The following MAML2 variants were observed in gnomAD, a reference collection of about 807,000 sequenced individuals.
MAML2 encodes the protein mastermind like transcriptional coactivator 2.
Under a neutral mutation model 96.1 loss-of-function variants are expected in MAML2, and 22 were observed. That is an observed-to-expected ratio of 0.23 (90% CI 0.16 to 0.33). The LOEUF (loss-of-function observed/expected upper bound fraction) is 0.33. Ranked by LOEUF, MAML2 falls within the 10% of genes least tolerant of loss-of-function variation. MAML2 has a pLI of 1.00. For missense variants in MAML2, 1,367 were observed against 1,392.4 expected, an observed-to-expected ratio of 0.98 and a Z score of 0.29; for synonymous variants, 561 against 521.3, an observed-to-expected ratio of 1.08 and a Z score of -1.04.
rs189905537 is a variant in MAML2, at chr11:96,024,490, T to C, written c.2140-32767A>G. Among the ~76,000 whole-genome samples, 399 of 152,378 alleles carry C rather than the reference T, an allele frequency of 2.6e-3. 3 individuals carry two copies. Among genetic ancestry groups the C allele is most frequent in the Non-Finnish European group, 4.9e-3 (332 of 68,032 alleles). On this transcript the variant is annotated intron_variant, in intron 2 of 4. Transcript: ENST00000524717. ...ACAGAATTTCTTTGTTTTCCTCCACTATATTTCACACTTTCTAAGCGTGCA... is the reference window on the plus strand; with the variant it reads ...ACAGAATTTCTTTGTTTTCCTCCACCATATTTCACACTTTCTAAGCGTGCA...
intron 2 of MAML2, among the ~76,000 whole-genome samples, chr11:96,019,674 AT>A (rs1858406673): frequency 2.0e-5 from 1 of 49,590 alleles, no homozygotes; most frequent in Non-Finnish European, 5.1e-5. Context: ...CCAAGGGCTG[AT>A]AATAATAATT....
intron 1 of MAML2, among the ~76,000 whole-genome samples, chr11:96,175,475 G>A (rs1364556254): frequency 6.6e-6 from 1 of 152,180 alleles, no homozygotes; most frequent in Non-Finnish European, 1.5e-5. Context: ...GAAGACGTGG[G>A]TTTACCACCA....
chr11:96,283,279 A>G (rs1223425411), intron 1 of MAML2, among the ~76,000 whole-genome samples: 1 of 152,188 alleles, frequency 6.6e-6, no homozygotes, highest in Non-Finnish European at 1.5e-5. Flanking sequence ...CTCCTTGTCT[A>G]TTTTAATCTC....
At chr11:96,041,636 C>T (rs1191059704) in intron 2 of MAML2, among the ~76,000 whole-genome samples, 1 of 152,074 alleles carries the variant, frequency 6.6e-6, no homozygotes, top group African/African-American at 2.4e-5. Flanking sequence ...AAGTGTGTTC[C>T]ATTGCGTTTC....
intron 1 of MAML2, among the ~76,000 whole-genome samples, chr11:96,205,836 T>C (rs959072605): frequency 6.6e-6 from 1 of 152,250 alleles, no homozygotes; most frequent in Non-Finnish European, 1.5e-5. Flanking sequence ...GTTGCTCCTT[T>C]GGAAAGATTC....
At chr11:96,295,126 G>C (rs546979977) in intron 1 of MAML2, among the ~76,000 whole-genome samples, 2 of 152,234 alleles carry the variant, frequency 1.3e-5, no homozygotes, top group South Asian at 4.1e-4. Context: ...GTAACACCAG[G>C]TGAATGAAAG....
At chr11:96,327,911 C>T (rs905819412) in intron 1 of MAML2, among the ~76,000 whole-genome samples, 15 of 151,940 alleles carry the variant, frequency 9.9e-5, no homozygotes, top group African/African-American at 2.9e-4. Flanking sequence ...GCCTGGCCAA[C>T]GAGGTGAAAC....
At chr11:96,314,731 A>G (rs2136006625) in intron 1 of MAML2, among the ~76,000 whole-genome samples, 1 of 152,336 alleles carries the variant, frequency 6.6e-6, no homozygotes, top group South Asian at 2.1e-4. Flanking sequence ...TGTCTAGAAG[A>G]TAATATAGAC....
In MAML2 at chr11:96,160,349, C is replaced by G. The variant is rs560103179; in HGVS notation, c.514-66832G>C. Among the ~76,000 whole-genome samples, 46 of 152,270 alleles carry G rather than the reference C, an allele frequency of 3.0e-4. 1 individual carries two copies. The South Asian group carries it at 7.7e-3, about 25-fold the overall frequency. ...CAGAATGGGCTTCCGAATCAGAAAGCTGGATTTGAACCCAACTGTGATACT... is the reference window on the plus strand; with the variant it reads ...CAGAATGGGCTTCCGAATCAGAAAGGTGGATTTGAACCCAACTGTGATACT... On this transcript the variant is annotated intron_variant, in intron 1 of 4. Coordinates refer to ENST00000524717, the MANE Select transcript of MAML2 (RefSeq NM_032427.4).
intron 1 of MAML2, among the ~76,000 whole-genome samples, chr11:96,110,534 C>T (rs1860100898): frequency 6.6e-6 from 1 of 152,118 alleles, no homozygotes; most frequent in South Asian, 2.1e-4. Context: ...AGTAGCTAAA[C>T]AGGTTGTATG....
chr11:96,339,801 C>A (rs930675494), intron 1 of MAML2, among the ~76,000 whole-genome samples: 2 of 152,158 alleles, frequency 1.3e-5, no homozygotes, highest in African/African-American at 4.8e-5. Flanking sequence ...GATTCTTTAC[C>A]CCCCTCCTTT....
chr11:96,032,138 A>G (rs902715189), intron 2 of MAML2, among the ~76,000 whole-genome samples: 1 of 152,154 alleles, frequency 6.6e-6, no homozygotes, highest in African/African-American at 2.4e-5. Context: ...TCCTGGCAAG[A>G]ATATGGATCA....
At chr11:96,054,686 T>C (rs1426070960) in intron 2 of MAML2, among the ~76,000 whole-genome samples, 1 of 152,198 alleles carries the variant, frequency 6.6e-6, no homozygotes, top group African/African-American at 2.4e-5. Context: ...ATATTAACCC[T>C]TCCCCATTTT....
intron 2 of MAML2, among the ~76,000 whole-genome samples, chr11:96,075,246 A>C (rs1859416195): frequency 6.6e-6 from 1 of 152,228 alleles, no homozygotes; most frequent in African/African-American, 2.4e-5. Context: ...CCTGGTAGCA[A>C]ACTTGAAATG....
intron 2 of MAML2, among the ~76,000 whole-genome samples, chr11:96,001,300 G>C (rs1858074407): frequency 6.6e-6 from 1 of 152,202 alleles, no homozygotes; most frequent in Non-Finnish European, 1.5e-5. Flanking sequence ...ACGTCAGTGG[G>C]TCAGGGTGGA....
chr11:96,179,643 A>G (rs1320004239), intron 1 of MAML2, among the ~76,000 whole-genome samples: 1 of 152,236 alleles, frequency 6.6e-6, no homozygotes, highest in Non-Finnish European at 1.5e-5. Flanking sequence ...AAACAAAAAT[A>G]AAAAACAAAA....
rs534241803 is a variant in MAML2, at chr11:96,055,251, C to T, written c.2139+36641G>A. Reference sequence around the variant, plus strand: ...GCCATGCCCATGGCACTACCATGGACGCCTAAGAAAACCTCAATAATTTGA... The same window carrying T: ...GCCATGCCCATGGCACTACCATGGATGCCTAAGAAAACCTCAATAATTTGA... On this transcript the variant is annotated intron_variant, in intron 2 of 4. Transcript: ENST00000524717. Among the ~76,000 whole-genome samples the T allele has an allele frequency of 6.6e-5, 10 of 152,176 alleles. No homozygotes were observed. In the South Asian group the frequency reaches 1.2e-3, roughly 19 times the overall value.
At chr11:96,236,013 A>ATCAC (rs1862362705) in intron 1 of MAML2, among the ~76,000 whole-genome samples, 1 of 152,232 alleles carries the variant, frequency 6.6e-6, no homozygotes, top group Non-Finnish European at 1.5e-5. Context: ...TGTTTTGGTA[A>ATCAC]GTGAGTGCTC....
At chr11:96,238,446 C>T (rs1167900622) in intron 1 of MAML2, among the ~76,000 whole-genome samples, 1 of 152,170 alleles carries the variant, frequency 6.6e-6, no homozygotes, top group Admixed American at 6.5e-5. Flanking sequence ...AGAAAAAGAA[C>T]CCAATTTTGA....
Sources: gnomAD v4.1 joint callset for allele counts (sites outside exome capture counted in the v4.1 genomes callset) on GRCh38, gnomAD v4.1.1 for gene constraint, MANE v1.5 for transcripts, NCBI Gene and HGNC (gene_info 2026-07-23, HGNC 2026-07-21) for gene names.